Variants in ADSS2 observed in about 807,000 individuals in gnomAD.
ADSS2 encodes the protein adenylosuccinate synthase 2, also known as adenylosuccinate synthetase isozyme 2.
Under a neutral mutation model 60.0 loss-of-function variants are expected in ADSS2, and 30 were observed. That is an observed-to-expected ratio of 0.50 (90% CI 0.37 to 0.68). The LOEUF is 0.68. ADSS2 is among the 30% of genes least tolerant of loss of function. The pLI, the probability that ADSS2 is intolerant of heterozygous loss-of-function variation, is 0.00. For synonymous variants in ADSS2, 187 were observed against 193.1 expected (o/e 0.97, Z 0.26); for missense variants, 373 against 554.8 (o/e 0.67, Z 3.29).
At chr1:244,448,323 G>A (rs538755193) in intron 1 of ADSS2, among the ~76,000 whole-genome samples, 1 of 152,252 alleles carries the variant, frequency 6.6e-6, no homozygotes, top group South Asian at 2.1e-4. Context: ...AGTGGTTTCA[G>A]ATCTTCAGCA....
chr1:244,411,445 T>C lies in ADSS2; in HGVS notation c.1169-9A>G, dbSNP rs909186104. On this transcript the variant is annotated splice_polypyrimidine_tract_variant and intron_variant, in intron 11 of 12. Transcript: ENST00000366535. The stretch of plus-strand genomic sequence containing the variant: ...TAAGACTTCTTGGTTTGCTAAAAGT[T>C]AAAGAGGACATTTATTCATGGCACA... The C allele has an allele frequency of 6.2e-7, 1 of 1,606,640 alleles. No individual in the cohort carries two copies. Among genetic ancestry groups the C allele is most frequent in the Non-Finnish European group, 8.5e-7 (1 of 1,178,078 alleles).
intron 4 of ADSS2, among the ~76,000 whole-genome samples, chr1:244,426,166 T>C (rs1244434430): frequency 6.6e-6 from 1 of 152,232 alleles, no homozygotes; most frequent in East Asian, 1.9e-4. Flanking sequence ...TTTTAAACCC[T>C]GATTTTGCAA....
At chr1:244,437,192 TG>T (rs1332267510) in intron 2 of ADSS2, among the ~76,000 whole-genome samples, 1 of 152,102 alleles carries the variant, frequency 6.6e-6, no homozygotes, top group African/African-American at 2.4e-5. Context: ...TCTTTCAAGT[TG>T]GGGAATCACA....
At chr1:244,420,326 T>G in intron 7 of ADSS2, 30 bp from the exon 8 acceptor site, 1 of 1,577,716 alleles carries the variant, frequency 6.3e-7, no homozygotes, top group African/African-American at 1.4e-5. Context: ...CCAATTTCCA[T>G]GTATACTAAT....
At chr1:244,418,537 T>C (rs571755176) in intron 9 of ADSS2, among the ~76,000 whole-genome samples, 4 of 152,170 alleles carry the variant, frequency 2.6e-5, no homozygotes, top group Admixed American at 1.3e-4. Flanking sequence ...CCCCAGCTGA[T>C]CTTGAACTCC....
chr1:244,444,827 G>C (rs1391969525), intron 1 of ADSS2, among the ~76,000 whole-genome samples: 1 of 152,026 alleles, frequency 6.6e-6, no homozygotes, highest in Admixed American at 6.6e-5. Context: ...TAGAGTTTTG[G>C]AAAACAATTT....
chr1:244,437,600 T>C, intron 2 of ADSS2, 66 bp downstream of exon 2: 2 of 1,163,610 alleles, frequency 1.7e-6, no homozygotes, highest in Non-Finnish European at 2.6e-6. Flanking sequence ...GTTTTGACAA[T>C]AAAAAATAAA....
At chr1:244,426,432 C>T (rs1451562087) in intron 4 of ADSS2, among the ~76,000 whole-genome samples, 1 of 152,018 alleles carries the variant, frequency 6.6e-6, no homozygotes, top group Non-Finnish European at 1.5e-5. Context: ...AGAATAATTA[C>T]TTTCATAAGA....
At chr1:244,428,918 A>G (rs1286531539) in intron 4 of ADSS2, among the ~76,000 whole-genome samples, 7 of 152,300 alleles carry the variant, frequency 4.6e-5, no homozygotes, top group Middle Eastern at 6.8e-3. Flanking sequence ...CTTCCTCACA[A>G]AGATTTTCTA....
rs746327258 is a variant in ADSS2, at chr1:244,424,381, T to A, written c.413A>T (p.Asp138Val). 1 of 1,612,808 alleles carries A rather than the reference T, an allele frequency of 6.2e-7. No individual in the cohort carries two copies. Among genetic ancestry groups the A allele is most frequent in the South Asian group, 1.1e-5 (1 of 91,016 alleles). ...GATACCATCAGCTGCTTGATGAAAA[T>A]CAAATACTGAGGGGAAATAAAACCA... ...IISDRAHIVF[D>V]FHQAADGIQE... The change falls in exon 5 of 13, where the codon GAT (aspartate) becomes GTT (valine). Residue 138 changes from aspartate to valine, a missense_variant. Coordinates refer to ENST00000366535, the MANE Select transcript of ADSS2 (RefSeq NM_001126.5).
intron 4 of ADSS2, among the ~76,000 whole-genome samples, chr1:244,430,839 GGGCCGGATGCAGT>G (rs1572138980): frequency 1.3e-5 from 2 of 152,086 alleles, no homozygotes; most frequent in African/African-American, 2.4e-5. Flanking sequence ...AATATTAGTT[GGGCCGGATGCAGT>G]GGCTCACGCC....
At position 244,409,538 on chromosome 1, in the gene ADSS2, T is replaced by C. The variant is rs756959937; in HGVS notation, c.*48A>G. 27 of 1,411,588 alleles carry C rather than the reference T, an allele frequency of 1.9e-5. No individual in the cohort carries two copies. In the Admixed American group the frequency reaches 4.7e-4, roughly 24 times the overall value. 87.4% of individuals were successfully genotyped at this position (1,411,588 alleles called of 1,614,324 possible). A position where few individuals can be genotyped will look rare whatever the true frequency, so the allele number is the denominator to read the frequency against. The stretch of plus-strand genomic sequence containing the variant: ...GTCATAAATGAAATATTTAAGAAAG[T>C]CTTTTCCCCTCCCTCTCAAGGAGTG... On this transcript the variant is annotated 3_prime_UTR_variant, in exon 13 of 13. Transcript: ENST00000366535.
At chr1:244,421,144 C>G (rs1243069720) in intron 7 of ADSS2, among the ~76,000 whole-genome samples, 1 of 152,116 alleles carries the variant, frequency 6.6e-6, no homozygotes, top group Admixed American at 6.6e-5. Context: ...ACATGTCTAT[C>G]TCTACACTAT....
rs1664584869 is a variant in ADSS2, at chr1:244,418,328, ATTTTATC to A, written c.945+425_945+431del. Reference sequence around the variant, plus strand: ...GTTTTTGTTTATTTTTGTTGACTTTATTTTATCTTTTGAGACAGAGTCTCGCTCTGTT... The same window carrying A: ...GTTTTTGTTTATTTTTGTTGACTTTATTTTGAGACAGAGTCTCGCTCTGTT... On this transcript the variant is annotated intron_variant, in intron 9 of 12. Transcript: ENST00000366535. 2.0e-5 allele frequency among the ~76,000 whole-genome samples: 3 copies of A among 152,092 alleles called. 1 individual carries two copies. Among genetic ancestry groups the A allele is most frequent in the Admixed American group, 2.0e-4 (3 of 15,264 alleles).
intron 12 of ADSS2, 52 bp downstream of exon 12, chr1:244,411,235 A>T (rs1664406892): frequency 1.3e-6 from 2 of 1,550,588 alleles, no homozygotes; most frequent in South Asian, 2.4e-5. Flanking sequence ...AAAAAAAGAA[A>T]AAAGAGAGAG....
Position 244,409,401 on chromosome 1 carries a change from T to C in ADSS2, c.*185A>G. 1 of 460,456 alleles carries C rather than the reference T, an allele frequency of 2.2e-6. No homozygotes were observed. Among genetic ancestry groups the C allele is most frequent in the Non-Finnish European group, 3.8e-6 (1 of 260,370 alleles). The allele number at this position is 460,456 out of a possible 1,614,324, so 28.5% of individuals were successfully genotyped here. On this transcript the variant is annotated 3_prime_UTR_variant, in exon 13 of 13. Coordinates refer to ENST00000366535, the MANE Select transcript of ADSS2 (RefSeq NM_001126.5). ...TTTGGCAATTCCAGCTAAAGAAAGC[T>C]GACACTGGAATATGCCAAAGTTAAT...
intron 11 of ADSS2, among the ~76,000 whole-genome samples, chr1:244,414,695 T>C (rs548811754): frequency 4.6e-5 from 7 of 152,352 alleles, no homozygotes; most frequent in African/African-American, 1.7e-4. Flanking sequence ...TCAACTTATT[T>C]TACCCTCTTT....
intron 11 of ADSS2, among the ~76,000 whole-genome samples, chr1:244,412,726 GC>G (rs1462966519): frequency 6.6e-6 from 1 of 152,226 alleles, no homozygotes; most frequent in Non-Finnish European, 1.5e-5. Flanking sequence ...CAGCAAGTTT[GC>G]TATGGCAAAG....
intron 11 of ADSS2, among the ~76,000 whole-genome samples, chr1:244,413,025 C>A (rs777094515): frequency 7.2e-5 from 11 of 152,034 alleles, no homozygotes; most frequent in Non-Finnish European, 1.3e-4. Context: ...AGCACTGGGC[C>A]TACTAAGGAA....
Sources: gnomAD v4.1 joint callset for allele counts (sites outside exome capture counted in the v4.1 genomes callset) on GRCh38, gnomAD v4.1.1 for gene constraint, MANE v1.5 for transcripts, NCBI Gene and HGNC (gene_info 2026-07-23, HGNC 2026-07-21) for gene names.